The following SLC26A9 variants were observed in gnomAD, a reference collection of about 807,000 sequenced individuals.
SLC26A9 encodes anion transporter/exchanger protein 9.
In SLC26A9, 46 loss-of-function variants were observed where a neutral mutation model predicts 87.1. The ratio of observed to expected loss-of-function variants is 0.53; its 90% CI spans 0.42 to 0.67. SLC26A9 has a LOEUF of 0.67. SLC26A9 is among the 30% of genes least tolerant of loss of function. The probability of loss-of-function intolerance (pLI) is 0.00; values close to 1 mark genes in which losing one functional copy is unlikely to be tolerated. For missense variants in SLC26A9, 927 were observed against 1,018.3 expected (o/e 0.91, Z 1.22); for synonymous variants, 437 against 409.1 (o/e 1.07, Z -0.82).
chr1:205,927,646 G>T (rs758233659), intron 9 of SLC26A9, 41 bp from the exon 10 acceptor site: 3 of 1,575,642 alleles, frequency 1.9e-6, no homozygotes, highest in African/African-American at 2.7e-5. Flanking sequence ...TGTGGGGCTG[G>T]GGGGCACGGG....
rs34820138 is a variant in SLC26A9 at position 205,931,465 on chromosome 1, G to GTTTTTTTTTTTTTTTTTTTTTT, written c.552+394_552+395insAAAAAAAAAAAAAAAAAAAAAA. ...GAGGGAGGAGGTGAGCCCTAACTTG[G>GTTTTTTTTTTTTTTTTTTTTTT]TTTTTTTTTTTTTTTTTTTGAGACG... On this transcript the variant is annotated intron_variant, in intron 5 of 20. Transcript: ENST00000367135. Among the ~76,000 whole-genome samples the GTTTTTTTTTTTTTTTTTTTTTT allele has an allele frequency of 1.8e-4, 17 of 95,980 alleles. 2 individuals are homozygous for GTTTTTTTTTTTTTTTTTTTTTT. The highest frequency in any genetic ancestry group is 6.1e-4 in the African/African-American group (14 of 23,090). The allele number at this position is 95,980 out of a possible 152,430, so 63.0% of individuals were successfully genotyped here. A position where few individuals can be genotyped will look rare whatever the true frequency, so the allele number is the denominator to read the frequency against.
At chr1:205,926,395 C>T (rs1277349397) in intron 12 of SLC26A9, 140 bp downstream of exon 12, 20 of 709,266 alleles carry the variant, frequency 2.8e-5, no homozygotes, top group Non-Finnish European at 4.4e-5. Context: ...CTTCGAAACT[C>T]GGACTTTTAA....
chr1:205,929,217 G>T lies in SLC26A9; in HGVS notation c.857C>A (p.Thr286Lys). ...YMHKIRFPIP[T>K]EMIVVVVATA... is the part of the protein sequence containing the mutation. Reference sequence around the variant, plus strand: ...CAAGGTCCTTACCACAATCATCTCTGTAGGGATGGGGAAGCGAATCTTGTG... The same window carrying T: ...CAAGGTCCTTACCACAATCATCTCTTTAGGGATGGGGAAGCGAATCTTGTG... Residue 286 changes from threonine to lysine, a missense_variant, in exon 7 of 21, where the codon ACA (threonine) becomes AAA (lysine). Thr to Lys is a moderately conservative substitution (Grantham distance 78). Transcript: ENST00000367135. 4 of 1,614,138 alleles carry T rather than the reference G, an allele frequency of 2.5e-6. No individual in the cohort carries two copies. Among genetic ancestry groups the T allele is most frequent in the Non-Finnish European group, 3.4e-6 (4 of 1,180,006 alleles).
chr1:205,937,826 C>G (rs563137513), intron 1 of SLC26A9, among the ~76,000 whole-genome samples: 1 of 152,098 alleles, frequency 6.6e-6, no homozygotes, highest in Admixed American at 6.5e-5. Context: ...GAGCTGCAGA[C>G]CTTGCTTCAG....
At position 205,927,989 on chromosome 1, in the gene SLC26A9, G is replaced by A. The variant is rs1459283936; in HGVS notation, c.1014C>T (p.Phe338=). The A allele has an allele frequency of 6.2e-7, 1 of 1,614,068 alleles. No individual in the cohort carries two copies. Among genetic ancestry groups the A allele is most frequent in the East Asian group, 2.2e-5 (1 of 44,890 alleles). Residue 338 remains phenylalanine (F), a synonymous_variant, in exon 9 of 21, where the codon TTC becomes TTT. Coordinates refer to ENST00000367135, the MANE Select transcript of SLC26A9 (RefSeq NM_052934.4). ...TGACGTAGCTCACGATGGCTAGGGA[G>A]AAGGCTGTGCCTATCATGTCCTTCC... is the stretch of plus-strand genomic sequence containing the variant. ...SQWKDMIGTA[F]SLAIVSYVIN...
Position 205,929,297 on chromosome 1 carries a change from A to C in SLC26A9, c.777T>G (p.Ala259=). 6.2e-7 allele frequency: 1 copy of C among 1,614,212 alleles called. No individual in the cohort carries two copies. The highest frequency in any genetic ancestry group is 8.5e-7 in the Non-Finnish European group (1 of 1,180,046). Residue 259 remains alanine (A), a synonymous_variant, in exon 7 of 21, where the codon GCT becomes GCG. Coordinates refer to ENST00000367135, the MANE Select transcript of SLC26A9 (RefSeq NM_052934.4). ...PHTNIASLIF[A]LISGAFLVLV... ...GCACCAGGAAGGCACCGCTGATGAG[A>C]GCGAAGATGAGCGAGGCGATGTTGG... is the stretch of plus-strand genomic sequence containing the variant.
In SLC26A9 at chr1:205,915,181, T is replaced by C. The variant is rs763900415; in HGVS notation, c.*176A>G. 1.2e-6 allele frequency: 2 copies of C among 1,611,146 alleles called. No individual in the cohort carries two copies. Among genetic ancestry groups the C allele is most frequent in the Non-Finnish European group, 1.7e-6 (2 of 1,177,960 alleles). The stretch of plus-strand genomic sequence containing the variant: ...GCACCCCCCTGCTGCTGAGAGGCTC[T>C]CTCTGGAGATGCGGGGAGGGAAGGA... On this transcript the variant is annotated 3_prime_UTR_variant, in exon 21 of 21. Transcript: ENST00000367135.
intron 18 of SLC26A9, among the ~76,000 whole-genome samples, chr1:205,919,420 T>C (rs1018923077): frequency 2.6e-5 from 4 of 152,246 alleles, no homozygotes; most frequent in Non-Finnish European, 5.9e-5. Context: ...TCCAGTGAGG[T>C]TGGGGAGAAT....
chr1:205,935,613 C>T, intron 2 of SLC26A9, 83 bp downstream of exon 2: 2 of 1,579,636 alleles, frequency 1.3e-6, no homozygotes, highest in Non-Finnish European at 1.7e-6. Context: ...CTTAGGGATA[C>T]CAGTGCAGAA....
At chr1:205,924,101 C>T (rs533142281) in intron 13 of SLC26A9, among the ~76,000 whole-genome samples, 1 of 152,166 alleles carries the variant, frequency 6.6e-6, no homozygotes, top group African/African-American at 2.4e-5. Flanking sequence ...ATCTCACCAC[C>T]TGCCCTTGCC....
chr1:205,926,008 A>G (rs1057057508), intron 12 of SLC26A9, among the ~76,000 whole-genome samples: 4 of 152,208 alleles, frequency 2.6e-5, no homozygotes, highest in African/African-American at 7.2e-5. Context: ...TGACGCAACC[A>G]TGACTGCATG....
chr1:205,925,544 A>T (rs1659031564), intron 12 of SLC26A9, among the ~76,000 whole-genome samples: 1 of 152,004 alleles, frequency 6.6e-6, no homozygotes, highest in African/African-American at 2.4e-5. Flanking sequence ...CTGAGGTATA[A>T]TTTTTCTCCC....
rs1201438986 is a variant in SLC26A9 at position 205,913,350 on chromosome 1, C to T, written c.*2007G>A. ...CCTCATGTGTTTCCAATCTTACCTC[C>T]ACAGCGGGCTCTGCAACCCTCAGAC... On this transcript the variant is annotated 3_prime_UTR_variant, in exon 21 of 21. Transcript: ENST00000367135. 2 of 152,596 alleles carry T rather than the reference C, an allele frequency of 1.3e-5. No homozygotes were observed. Among genetic ancestry groups the T allele is most frequent in the Non-Finnish European group, 2.9e-5 (2 of 68,058 alleles). 9.5% of individuals were successfully genotyped at this position (152,596 alleles called of 1,614,324 possible). A position where few individuals can be genotyped will look rare whatever the true frequency, so the allele number is the denominator to read the frequency against.
intron 2 of SLC26A9, 67 bp downstream of exon 2, chr1:205,935,628 TG>T: frequency 6.2e-7 from 1 of 1,602,586 alleles, no homozygotes; most frequent in African/African-American, 1.3e-5. Flanking sequence ...GCAGAAGCCG[TG>T]TCCTGGTGCA....
intron 19 of SLC26A9, among the ~76,000 whole-genome samples, chr1:205,917,942 A>G (rs1031434434): frequency 6.6e-6 from 1 of 152,194 alleles, no homozygotes. Context: ...CAAATTCACG[A>G]AGCAGGAAAG....
chr1:205,927,278 A>T lies in SLC26A9; in HGVS notation c.1226T>A (p.Leu409Gln). The T allele has an allele frequency of 6.2e-7, 1 of 1,614,190 alleles. No homozygotes were observed. Among genetic ancestry groups the T allele is most frequent in the Non-Finnish European group, 8.5e-7 (1 of 1,180,026 alleles). ...GATCATCACCACCAGAGACACACAC[A>T]GGCTGGCCACCTATTCCGAGAAAGA... ...GAGGKSQVAS[L>Q]CVSLVVMITM... is the part of the protein sequence containing the mutation. Residue 409 changes from leucine (L) to glutamine (Q), a missense_variant, in exon 11 of 21, where the codon CTG becomes CAG. Transcript: ENST00000367135.
At position 205,914,767 on chromosome 1, in the gene SLC26A9, G is replaced by T. The variant is rs577783790; in HGVS notation, c.*590C>A. 17 of 1,199,224 alleles carry T rather than the reference G, an allele frequency of 1.4e-5. No individual in the cohort carries two copies. The highest frequency in any genetic ancestry group is 4.5e-5 in the South Asian group (3 of 67,168). The allele number at this position is 1,199,224 out of a possible 1,614,324, so 74.3% of individuals were successfully genotyped here. On this transcript the variant is annotated 3_prime_UTR_variant, in exon 21 of 21. Coordinates refer to ENST00000367135, the MANE Select transcript of SLC26A9 (RefSeq NM_052934.4). ...GCAGCCTTGGGGATGATGGAGGGGG[G>T]GCGCATAGTTACCAAGGCCTAGACT...
chr1:205,924,984 G>A (rs533492305), intron 12 of SLC26A9, among the ~76,000 whole-genome samples: 1 of 152,066 alleles, frequency 6.6e-6, no homozygotes, highest in South Asian at 2.1e-4. Context: ...TTCTAGAGAC[G>A]GCTCTCGCTA....
At chr1:205,927,168 T>C (rs377308329) in intron 11 of SLC26A9, 43 bp downstream of exon 11, 364 of 1,600,308 alleles carry the variant, frequency 2.3e-4, no homozygotes, top group Admixed American at 6.5e-4. Flanking sequence ...ATTGTTCTTA[T>C]TGGAGTCTTT....
Sources: gnomAD v4.1 joint callset for allele counts (sites outside exome capture counted in the v4.1 genomes callset) on GRCh38, gnomAD v4.1.1 for gene constraint, MANE v1.5 for transcripts, NCBI Gene and HGNC (gene_info 2026-07-23, HGNC 2026-07-21) for gene names.